The following CIB4 variants were observed in gnomAD, a reference collection of about 807,000 sequenced individuals.
CIB4 encodes calcium and integrin-binding family member 4.
CIB4 carries 25 observed loss-of-function variants against 25.8 expected under a neutral mutation model. The ratio of observed to expected loss-of-function variants is 0.97; its 90% CI spans 0.71 to 1.35. CIB4 has a LOEUF of 1.35. CIB4 is among the 40% of genes most tolerant of loss of function. The pLI, the probability that CIB4 is intolerant of heterozygous loss-of-function variation, is 0.00. For missense variants in CIB4, 235 were observed against 228.2 expected, an observed-to-expected ratio of 1.03 and a Z score of -0.19; for synonymous variants, 75 against 81.4, an observed-to-expected ratio of 0.92 and a Z score of 0.42.
At chr2:26,619,314 G>A (rs555907044) in intron 3 of CIB4, among the ~76,000 whole-genome samples, 3 of 152,306 alleles carry the variant, frequency 2.0e-5, no homozygotes, top group African/African-American at 4.8e-5. Flanking sequence ...AGACCGGAAG[G>A]AGGGCAGTAC....
chr2:26,589,180 C>T (rs1050146655), intron 4 of CIB4, among the ~76,000 whole-genome samples: 3 of 132,732 alleles, frequency 2.3e-5, no homozygotes, highest in Admixed American at 7.8e-5. Context: ...CTCCTTCTTC[C>T]TCTTCCTCTT....
At chr2:26,604,159 C>T (rs1456952094) in intron 3 of CIB4, among the ~76,000 whole-genome samples, 2 of 152,016 alleles carry the variant, frequency 1.3e-5, no homozygotes, top group East Asian at 1.9e-4. Flanking sequence ...GCAGGAGGAT[C>T]GCTTGAGCCC....
intron 3 of CIB4, among the ~76,000 whole-genome samples, chr2:26,615,794 C>T (rs560933571): frequency 6.6e-6 from 1 of 152,266 alleles, no homozygotes; most frequent in African/African-American, 2.4e-5. Flanking sequence ...CTGCCTCCTA[C>T]ATCACTGAGC....
chr2:26,629,287 T>A, intron 3 of CIB4, 123 bp downstream of exon 3: 1 of 666,846 alleles, frequency 1.5e-6, no homozygotes, highest in Non-Finnish European at 2.7e-6. Context: ...AGGAGCCCCT[T>A]GGAGTGAGGT....
intron 3 of CIB4, among the ~76,000 whole-genome samples, chr2:26,617,754 CT>C (rs141215705): frequency 0.012 from 1,847 of 152,338 alleles, 45 homozygotes; most frequent in African/African-American, 0.043. Context: ...CCCCCTGCGG[CT>C]GCTTTCCTCC....
intron 2 of CIB4, among the ~76,000 whole-genome samples, chr2:26,631,350 C>T (rs1260710989): frequency 1.6e-4 from 25 of 152,140 alleles, no homozygotes; most frequent in Admixed American, 1.6e-3. Flanking sequence ...TGGCACGCAC[C>T]TATAGTCTAG....
At chr2:26,584,223 T>C (rs1334891986) in intron 4 of CIB4, among the ~76,000 whole-genome samples, 1 of 152,164 alleles carries the variant, frequency 6.6e-6, no homozygotes, top group East Asian at 1.9e-4. Context: ...GGTTATATGG[T>C]TGTCTGCAGC....
chr2:26,614,473 G>A (rs1237032218), intron 3 of CIB4, among the ~76,000 whole-genome samples: 1 of 152,140 alleles, frequency 6.6e-6, no homozygotes, highest in African/African-American at 2.4e-5. Flanking sequence ...AGAGGGAGGA[G>A]GCTCCTCCTC....
At chr2:26,631,428 C>T (rs1005151193) in intron 2 of CIB4, among the ~76,000 whole-genome samples, 1 of 152,160 alleles carries the variant, frequency 6.6e-6, no homozygotes, top group Non-Finnish European at 1.5e-5. Flanking sequence ...GAGCTGTGAT[C>T]GCACTACTGC....
At position 26,595,324 on chromosome 2, in the gene CIB4, G is replaced by A. The variant is rs1372485951; in HGVS notation, c.187-7C>T. The A allele has an allele frequency of 6.2e-7, 1 of 1,610,046 alleles. No homozygotes were observed. Among genetic ancestry groups the A allele is most frequent in the Admixed American group, 1.7e-5 (1 of 59,978 alleles). On this transcript the variant is annotated splice_region_variant and splice_polypyrimidine_tract_variant and intron_variant, in intron 3 of 6. Transcript: ENST00000288861. ...GGTCTCTGAAAGGGTTGACCTGTGG[G>A]CGACAGGAGGAGCAGGGAGGAGGTC...
intron 4 of CIB4, among the ~76,000 whole-genome samples, chr2:26,594,611 T>C (rs1248319539): frequency 6.6e-6 from 1 of 152,224 alleles, no homozygotes; most frequent in African/African-American, 2.4e-5. Context: ...TTTTGATTCC[T>C]TTTGAGAATT....
chr2:26,616,569 G>A (rs1669096621), intron 3 of CIB4, among the ~76,000 whole-genome samples: 1 of 152,162 alleles, frequency 6.6e-6, no homozygotes, highest in South Asian at 2.1e-4. Flanking sequence ...CGAGAAGCTG[G>A]GTGCTGGGAG....
At chr2:26,606,600 C>T (rs1258285240) in intron 3 of CIB4, among the ~76,000 whole-genome samples, 1 of 152,152 alleles carries the variant, frequency 6.6e-6, no homozygotes, top group African/African-American at 2.4e-5. Context: ...CCCTCAGAGA[C>T]TCTAGCTGGT....
At position 26,596,827 on chromosome 2, in the gene CIB4, G is replaced by C. The variant is rs572250111; in HGVS notation, c.187-1510C>G. 8.9e-4 allele frequency among the ~76,000 whole-genome samples: 135 copies of C among 152,238 alleles called. 2 individuals are homozygous for C. Among genetic ancestry groups the C allele is most frequent in the African/African-American group, 3.0e-3 (125 of 41,540 alleles). ...AGTATGAAAATCTTCTGAACCACAT[G>C]GAGGTTTACTGCTTAGCTCTTGGAA... On this transcript the variant is annotated intron_variant, in intron 3 of 6. Coordinates refer to ENST00000288861, the MANE Select transcript of CIB4 (RefSeq NM_001029881.3).
chr2:26,589,003 T>TCTTCC (rs1558554607), intron 4 of CIB4, among the ~76,000 whole-genome samples: 2 of 26,024 alleles, frequency 7.7e-5, no homozygotes, highest in African/African-American at 2.4e-4. Flanking sequence ...CTTCTTCTTC[T>TCTTCC]TCTTCTTCTT....
In CIB4 at chr2:26,628,470, G is replaced by C. The variant is rs543288645; in HGVS notation, c.186+940C>G. 1.2e-4 allele frequency among the ~76,000 whole-genome samples: 18 copies of C among 152,248 alleles called. No individual in the cohort carries two copies. In the South Asian group the frequency reaches 3.7e-3, roughly 32 times the overall value. On this transcript the variant is annotated intron_variant, in intron 3 of 6. Coordinates refer to ENST00000288861, the MANE Select transcript of CIB4 (RefSeq NM_001029881.3). The stretch of plus-strand genomic sequence containing the variant: ...ATCCACAGCAAGGGTGTGTGTTTGT[G>C]GGGGGTGGGAGTGTGTTCTAGGTGG...
chr2:26,638,178 C>T (rs570760018), intron 2 of CIB4, among the ~76,000 whole-genome samples: 7 of 152,264 alleles, frequency 4.6e-5, no homozygotes, highest in Admixed American at 6.5e-5. Flanking sequence ...AACCATGAAC[C>T]GTGAACTGTG....
At chr2:26,629,351 C>CAA in intron 3 of CIB4, 59 bp downstream of exon 3, 3 of 865,892 alleles carry the variant, frequency 3.5e-6, no homozygotes, top group Non-Finnish European at 5.5e-6. Context: ...CAGCACCCAT[C>CAA]AGCCCATCAG....
intron 2 of CIB4, among the ~76,000 whole-genome samples, chr2:26,630,304 G>T (rs1039121583): frequency 6.6e-6 from 1 of 152,194 alleles, no homozygotes; most frequent in Non-Finnish European, 1.5e-5. Flanking sequence ...AAGCTCTTAG[G>T]CCTACAGGTC....
Sources: allele counts gnomAD v4.1 joint callset (sites outside exome capture counted in the v4.1 genomes callset), GRCh38; gene constraint gnomAD v4.1.1; transcripts MANE v1.5; gene names NCBI Gene and HGNC (gene_info 2026-07-23, HGNC 2026-07-21).